Variants in LDLRAD3 observed in about 807,000 individuals in gnomAD.
The protein encoded by LDLRAD3 is low density lipoprotein receptor class A domain containing 3.
In LDLRAD3, 20 loss-of-function variants were observed where a neutral mutation model predicts 29.4. That is an observed-to-expected ratio of 0.68 (90% CI 0.48 to 0.99). LDLRAD3 has a LOEUF of 0.99. Ranked by LOEUF, LDLRAD3 falls within the 50% of genes least tolerant of loss-of-function variation. The pLI, the probability that LDLRAD3 is intolerant of heterozygous loss-of-function variation, is 0.00. For synonymous variants in LDLRAD3, 157 were observed against 192.7 expected, an observed-to-expected ratio of 0.81 and a Z score of 1.53; for missense variants, 420 against 454.3, an observed-to-expected ratio of 0.92 and a Z score of 0.69.
chr11:36,163,263 C>G (rs1323822221), intron 4 of LDLRAD3: 1 of 152,254 alleles, frequency 6.6e-6, no homozygotes, highest in East Asian at 1.9e-4. Context: ...GATTGCTTGG[C>G]TATAAATGGA....
chr11:35,980,766 T>C lies in LDLRAD3; in HGVS notation c.46+36622T>C, dbSNP rs187698635. Reference sequence around the variant, plus strand: ...TTAAAACATGAATGAAATACAGATATAGCTATGAGAGTTTCTACTTAGAGG... The same window carrying C: ...TTAAAACATGAATGAAATACAGATACAGCTATGAGAGTTTCTACTTAGAGG... On this transcript the variant is annotated intron_variant, in intron 1 of 5. Coordinates refer to ENST00000315571, the MANE Select transcript of LDLRAD3 (RefSeq NM_174902.4). Among the ~76,000 whole-genome samples, 86 of 152,276 alleles carry C rather than the reference T, an allele frequency of 5.6e-4. 1 individual carries two copies. The highest frequency in any genetic ancestry group is 3.9e-4 in the Admixed American group (6 of 15,300).
chr11:35,987,423 C>T (rs577384529), intron 1 of LDLRAD3, among the ~76,000 whole-genome samples: 2 of 152,280 alleles, frequency 1.3e-5, no homozygotes, highest in African/African-American at 4.8e-5. Flanking sequence ...CCTCCTCTGT[C>T]TAGCAGTCTC....
rs147999033 is a variant in LDLRAD3, at chr11:35,979,199, G to T, written c.46+35055G>T. ...GTGGGCACCAGGAAACAGGCATGTG[G>T]TTTTTCCTTTGGGTACCCTCCAGCC... On this transcript the variant is annotated intron_variant, in intron 1 of 5. Coordinates refer to ENST00000315571, the MANE Select transcript of LDLRAD3 (RefSeq NM_174902.4). Among the ~76,000 whole-genome samples, 10 of 152,238 alleles carry T rather than the reference G, an allele frequency of 6.6e-5. No individual in the cohort carries two copies. In the East Asian group the frequency reaches 1.7e-3, roughly 26 times the overall value.
At chr11:36,008,007 A>G (rs1468938364) in intron 1 of LDLRAD3, among the ~76,000 whole-genome samples, 1 of 152,146 alleles carries the variant, frequency 6.6e-6, no homozygotes, top group Non-Finnish European at 1.5e-5. Flanking sequence ...CCTCTGGTGG[A>G]CTGTTCAGCC....
intron 4 of LDLRAD3, among the ~76,000 whole-genome samples, chr11:36,218,024 C>T (rs1302787298): frequency 1.3e-5 from 2 of 152,156 alleles, no homozygotes; most frequent in Non-Finnish European, 2.9e-5. Context: ...TTTGGAGGGA[C>T]ACTACTCAAC....
intron 2 of LDLRAD3, among the ~76,000 whole-genome samples, chr11:36,069,756 A>C (rs538906337): frequency 2.6e-5 from 4 of 152,032 alleles, no homozygotes; most frequent in Admixed American, 1.3e-4. Flanking sequence ...AGGCCTTTAC[A>C]CAGGCGGCTT....
chr11:36,167,653 G>C (rs1163643853), intron 4 of LDLRAD3, among the ~76,000 whole-genome samples: 1 of 152,198 alleles, frequency 6.6e-6, no homozygotes, highest in African/African-American at 2.4e-5. Flanking sequence ...GCGAGGAAGA[G>C]ACAAGGAAGG....
chr11:35,947,922 T>C (rs576973817), intron 1 of LDLRAD3, among the ~76,000 whole-genome samples: 3 of 152,336 alleles, frequency 2.0e-5, no homozygotes, highest in Admixed American at 6.5e-5. Flanking sequence ...CAGGATCTAT[T>C]CAGCAGAGAC....
chr11:36,163,913 T>C (rs1854479335), intron 4 of LDLRAD3, among the ~76,000 whole-genome samples: 1 of 152,248 alleles, frequency 6.6e-6, no homozygotes, highest in Non-Finnish European at 1.5e-5. Flanking sequence ...TCAATTTTGC[T>C]CCCGTTTTCA....
chr11:36,047,827 G>C (rs73450450), intron 2 of LDLRAD3, among the ~76,000 whole-genome samples: 7,283 of 152,186 alleles, frequency 0.048, 449 homozygotes, highest in African/African-American at 0.15. Flanking sequence ...CCTTCAAACA[G>C]CAGCTGGCAC....
intron 4 of LDLRAD3, among the ~76,000 whole-genome samples, chr11:36,111,105 A>G (rs1853598830): frequency 6.6e-6 from 1 of 152,142 alleles, no homozygotes; most frequent in African/African-American, 2.4e-5. Flanking sequence ...TGCAGGATCC[A>G]ATGAGAAGGT....
At chr11:35,964,676 G>T (rs919742163) in intron 1 of LDLRAD3, among the ~76,000 whole-genome samples, 1 of 152,172 alleles carries the variant, frequency 6.6e-6, no homozygotes, top group African/African-American at 2.4e-5. Context: ...AATGGTGAGA[G>T]TAGAAGCTGG....
chr11:36,015,051 G>A (rs1407004783), intron 1 of LDLRAD3, among the ~76,000 whole-genome samples: 2 of 152,192 alleles, frequency 1.3e-5, no homozygotes, highest in African/African-American at 4.8e-5. Context: ...CCTACTCCCT[G>A]TTCAGATTCA....
In LDLRAD3 at chr11:35,988,646, C is replaced by T. The variant is rs534005433; in HGVS notation, c.46+44502C>T. ...TCACCCAGGCTGGAGTGCAGTGGTG[C>T]GATCTTGGCCCATTGCAACCTCCAC... On this transcript the variant is annotated intron_variant, in intron 1 of 5. Transcript: ENST00000315571. 1.4e-4 allele frequency among the ~76,000 whole-genome samples: 21 copies of T among 151,094 alleles called. No homozygotes were observed. In the South Asian group the frequency reaches 2.3e-3, roughly 17 times the overall value.
At chr11:35,945,748 T>C (rs1008328652) in intron 1 of LDLRAD3, among the ~76,000 whole-genome samples, 4 of 152,308 alleles carry the variant, frequency 2.6e-5, no homozygotes, top group East Asian at 1.9e-4. Context: ...TGTAGCCAAA[T>C]GGAAACTTAT....
intron 2 of LDLRAD3, among the ~76,000 whole-genome samples, chr11:36,049,140 C>T (rs1348804337): frequency 1.3e-5 from 2 of 152,106 alleles, no homozygotes; most frequent in Non-Finnish European, 2.9e-5. Flanking sequence ...GCTGTAACTG[C>T]AAAATATAGT....
chr11:36,154,111 C>G (rs769815967), intron 4 of LDLRAD3, among the ~76,000 whole-genome samples: 3 of 152,120 alleles, frequency 2.0e-5, no homozygotes, highest in Non-Finnish European at 2.9e-5. Flanking sequence ...ACTTCCTCGG[C>G]CTCTGTTCTT....
intron 1 of LDLRAD3, among the ~76,000 whole-genome samples, chr11:35,998,441 A>G (rs1234004186): frequency 6.6e-6 from 1 of 152,218 alleles, no homozygotes; most frequent in Non-Finnish European, 1.5e-5. Flanking sequence ...CCTTTCAGCC[A>G]AGCATATTCA....
intron 3 of LDLRAD3, among the ~76,000 whole-genome samples, chr11:36,090,928 G>C (rs142047379): frequency 7.2e-5 from 11 of 152,306 alleles, no homozygotes; most frequent in African/African-American, 2.6e-4. Flanking sequence ...AGGAGGAACT[G>C]ACAGGTGTCA....
Sources: gnomAD v4.1 joint callset for allele counts (sites outside exome capture counted in the v4.1 genomes callset) on GRCh38, gnomAD v4.1.1 for gene constraint, MANE v1.5 for transcripts, NCBI Gene and HGNC (gene_info 2026-07-23, HGNC 2026-07-21) for gene names.